Variants in ZNF789 observed in about 807,000 individuals in gnomAD.
The protein encoded by ZNF789 is zinc finger protein 789.
ZNF789 carries 11 observed loss-of-function variants against 15.6 expected under a neutral mutation model. The ratio of observed to expected loss-of-function variants is 0.70; its 90% CI spans 0.44 to 1.16. The LOEUF is 1.16. ZNF789 is among the 50% of genes most tolerant of loss of function. The probability of loss-of-function intolerance (pLI) is 0.00; values close to 1 mark genes in which losing one functional copy is unlikely to be tolerated. For synonymous variants in ZNF789, 159 were observed against 176.0 expected (o/e 0.90, Z 0.76); for missense variants, 461 against 512.6 (o/e 0.90, Z 0.97).
Position 99,487,180 on chromosome 7 carries a change from C to T in ZNF789, c.970C>T (p.Arg324Trp), listed in dbSNP as rs755890607. ...KCLECGKAFG[R>W]HSTLLCHQQI... ...CCTTGAGTGTGGAAAAGCCTTTGGCCGGCATTCAACCCTTCTATGTCATCA... is the reference window on the plus strand; with the variant it reads ...CCTTGAGTGTGGAAAAGCCTTTGGCTGGCATTCAACCCTTCTATGTCATCA... Residue 324 changes from arginine to tryptophan, a missense_variant, in exon 5 of 5, where the codon CGG (arginine) becomes TGG (tryptophan). By Grantham distance (101) the Arg-to-Trp change is moderately radical (BLOSUM62 -3). Transcript: ENST00000331410. 54 of 1,613,930 alleles carry T rather than the reference C, an allele frequency of 3.3e-5. No homozygotes were observed. Among genetic ancestry groups the T allele is most frequent in the African/African-American group, 6.7e-5 (5 of 74,892 alleles).
In ZNF789 at chr7:99,486,347, T is replaced by C. The variant is rs553615207; in HGVS notation, c.266-129T>C. 4.2e-5 allele frequency: 40 copies of C among 955,758 alleles called. 1 individual carries two copies. The South Asian group carries it at 6.6e-4, about 16-fold the overall frequency. The allele number at this position is 955,758 out of a possible 1,614,324, so 59.2% of individuals were successfully genotyped here. A position where few individuals can be genotyped will look rare whatever the true frequency, so the allele number is the denominator to read the frequency against. On this transcript the variant is annotated intron_variant, in intron 4 of 4. Coordinates refer to ENST00000331410, the MANE Select transcript of ZNF789 (RefSeq NM_213603.3). Reference sequence around the variant, plus strand: ...AATTTCAGAGTTTTGGCCTCTTGAGTCTGATGATGTAAACGAGATCACTTC... The same window carrying C: ...AATTTCAGAGTTTTGGCCTCTTGAGCCTGATGATGTAAACGAGATCACTTC...
At position 99,472,915 on chromosome 7, in the gene ZNF789, G is replaced by GTGGT. The variant is rs1218949169; in HGVS notation, c.-193_-190dup. On this transcript the variant is annotated 5_prime_UTR_variant, in exon 1 of 5. Coordinates refer to ENST00000331410, the MANE Select transcript of ZNF789 (RefSeq NM_213603.3). ...AGCGAGAGGCTCTGAGGCTGCCAGA[G>GTGGT]TGGTTGTGTCTGTTCCTCCGGTAAG... 2 of 152,430 alleles carry GTGGT rather than the reference G, an allele frequency of 1.3e-5. No individual in the cohort carries two copies. Among genetic ancestry groups the GTGGT allele is most frequent in the Non-Finnish European group, 2.9e-5 (2 of 68,200 alleles). The allele number at this position is 152,430 out of a possible 1,614,324, so 9.4% of individuals were successfully genotyped here.
At chr7:99,484,196 A>G in intron 4 of ZNF789, 53 bp downstream of exon 4, 1 of 1,427,132 alleles carries the variant, frequency 7.0e-7, no homozygotes, top group Non-Finnish European at 9.9e-7. Context: ...AAGGGAAGGC[A>G]TGTTAGTGAA....
At chr7:99,485,566 TCA>T (rs1239745594) in intron 4 of ZNF789, among the ~76,000 whole-genome samples, 3 of 152,222 alleles carry the variant, frequency 2.0e-5, no homozygotes, top group African/African-American at 7.2e-5. Context: ...GTGCCGTGGC[TCA>T]CACCTGTAAT....
intron 1 of ZNF789, among the ~76,000 whole-genome samples, chr7:99,475,262 C>A (rs1021562132): frequency 1.3e-5 from 2 of 151,918 alleles, no homozygotes. Context: ...GGCATGGCGG[C>A]GGGTGCCTGT....
chr7:99,476,626 G>C, intron 2 of ZNF789, 146 bp downstream of exon 2: 3 of 947,408 alleles, frequency 3.2e-6, no homozygotes, highest in Non-Finnish European at 4.4e-6. Context: ...AGTCACATGG[G>C]CTTCCTTCAG....
chr7:99,479,911 C>A (rs899570071), intron 3 of ZNF789, 124 bp downstream of exon 3: 1 of 1,352,974 alleles, frequency 7.4e-7, no homozygotes, highest in African/African-American at 1.5e-5. Context: ...TTTTATAACT[C>A]GTGTGGCTAC....
intron 2 of ZNF789, chr7:99,478,314 A>G (rs765315864): frequency 6.9e-5 from 89 of 1,289,606 alleles, no homozygotes; most frequent in Non-Finnish European, 8.6e-5. Context: ...GATTGAGGAC[A>G]TGGCAGCGCA....
At chr7:99,475,473 T>G (rs929530867) in intron 1 of ZNF789, among the ~76,000 whole-genome samples, 1 of 151,514 alleles carries the variant, frequency 6.6e-6, no homozygotes, top group Admixed American at 6.6e-5. Flanking sequence ...GAGGTGAGGG[T>G]TGAGTGACCC....
intron 4 of ZNF789, chr7:99,485,256 C>T (rs559850797): frequency 3.0e-5 from 46 of 1,525,252 alleles, no homozygotes; most frequent in African/African-American, 2.3e-4. Context: ...GCACTACTGA[C>T]GTTTTGGGCT....
chr7:99,476,252 C>T lies in ZNF789; in HGVS notation c.-54-151C>T, dbSNP rs1799328676. 5.4e-6 allele frequency: 3 copies of T among 556,078 alleles called. No homozygotes were observed. The South Asian group carries it at 7.0e-5, about 13-fold the overall frequency. The allele number at this position is 556,078 out of a possible 1,614,324, so 34.4% of individuals were successfully genotyped here. On this transcript the variant is annotated intron_variant, in intron 1 of 4. Transcript: ENST00000331410. ...GAAATTACTAGACTTATTGTAGCGGCTCATGCATTTCATCACATGTTCCAA... is the reference window on the plus strand; with the variant it reads ...GAAATTACTAGACTTATTGTAGCGGTTCATGCATTTCATCACATGTTCCAA...
intron 2 of ZNF789, chr7:99,478,275 T>C (rs1799436548): frequency 7.8e-7 from 1 of 1,288,822 alleles, no homozygotes; most frequent in Non-Finnish European, 1.0e-6. Context: ...CTTGTGCAGG[T>C]GCGGGAATGC....
chr7:99,479,711 G>A lies in ZNF789; in HGVS notation c.75G>A (p.Trp25Ter), dbSNP rs1799519258. 2 of 1,613,754 alleles carry A rather than the reference G, an allele frequency of 1.2e-6. No individual in the cohort carries two copies. The change falls in exon 3 of 5, where the codon TGG (tryptophan) becomes TGA (stop). Residue 25 changes from tryptophan to a stop codon, truncating the protein, a stop_gained. Coordinates refer to ENST00000331410, the MANE Select transcript of ZNF789 (RefSeq NM_213603.3). LOFTEE classifies it high-confidence loss of function. ...CGATGTACTTCACCAGAGAGGAGTG[G>A]GGCCACCTCAACTGGGGTCAGAAGG... ...DVAMYFTREE[W>*]GHLNWGQKDL... is the part of the protein sequence containing the mutation.
chr7:99,481,479 C>CA (rs1028948158), intron 3 of ZNF789: 1 of 151,358 alleles, frequency 6.6e-6, no homozygotes, highest in Non-Finnish European at 1.5e-5. Context: ...TTTTTTGAGA[C>CA]AGAGTTTCGC....
Position 99,487,141 on chromosome 7 carries a change from A to ATC in ZNF789, c.931_932insTC (p.Lys311IlefsTer147). 1 of 1,614,222 alleles carries ATC rather than the reference A, an allele frequency of 6.2e-7. No individual in the cohort carries two copies. The highest frequency in any genetic ancestry group is 8.5e-7 in the Non-Finnish European group (1 of 1,180,046). Reference sequence around the variant, plus strand: ...ACATCAGGTGATCCATAGTGGAGAAAAACGCCATAAATGCCTTGAGTGTGG... The same window carrying ATC: ...ACATCAGGTGATCCATAGTGGAGAAATCAACGCCATAAATGCCTTGAGTGTGG... On this transcript the variant is annotated frameshift_variant, in exon 5 of 5. Transcript: ENST00000331410. LOFTEE classifies it low-confidence loss of function (END_TRUNC).
Position 99,476,447 on chromosome 7 carries a change from C to G in ZNF789, c.-10C>G. 3.1e-6 allele frequency: 5 copies of G among 1,610,870 alleles called. No homozygotes were observed. The highest frequency in any genetic ancestry group is 4.2e-6 in the Non-Finnish European group (5 of 1,178,862). ...TCCCACCCCTTGCAAAAGACCAGGC[C>G]GTGGAAGCCATGTTCCCACCAGCCA... is the stretch of plus-strand genomic sequence containing the variant. On this transcript the variant is annotated 5_prime_UTR_variant, in exon 2 of 5. Transcript: ENST00000331410.
intron 3 of ZNF789, chr7:99,481,174 TA>T (rs1799605554): frequency 6.6e-6 from 1 of 152,242 alleles, no homozygotes; most frequent in Admixed American, 6.5e-5. Flanking sequence ...TAAACGAGCA[TA>T]ATATAATTCC....
intron 1 of ZNF789, among the ~76,000 whole-genome samples, chr7:99,475,944 A>G (rs1451076875): frequency 6.6e-6 from 1 of 151,730 alleles, no homozygotes; most frequent in African/African-American, 2.4e-5. Flanking sequence ...AGCTGGGAGT[A>G]CAGGTGCCTG....
In ZNF789 at chr7:99,487,519, A is replaced by G; in HGVS notation, c.*31A>G. ...ATTGGAAAGCAGTCATTGGAGAACT[A>G]GAACTTATAAACCTCTACTTCAAGT... On this transcript the variant is annotated 3_prime_UTR_variant, in exon 5 of 5. Transcript: ENST00000331410. The G allele has an allele frequency of 6.3e-7, 1 of 1,583,214 alleles. No homozygotes were observed. The highest frequency in any genetic ancestry group is 2.2e-5 in the East Asian group (1 of 44,586).
Sources: gnomAD v4.1 joint callset for allele counts (sites outside exome capture counted in the v4.1 genomes callset) on GRCh38, gnomAD v4.1.1 for gene constraint, MANE v1.5 for transcripts, NCBI Gene and HGNC (gene_info 2026-07-23, HGNC 2026-07-21) for gene names.